Variants in TNIP1 observed in about 807,000 individuals in gnomAD.
TNIP1 encodes the protein TNFAIP3-interacting protein 1.
Under a neutral mutation model 86.6 loss-of-function variants are expected in TNIP1, and 22 were observed. The observed-to-expected ratio is 0.25, with a 90% CI of 0.18 to 0.36. TNIP1 has a LOEUF of 0.36. Ranked by LOEUF, TNIP1 falls within the 10% of genes least tolerant of loss-of-function variation. The probability of loss-of-function intolerance (pLI) is 1.00; values close to 1 mark genes in which losing one functional copy is unlikely to be tolerated. For synonymous variants in TNIP1, 294 were observed against 313.0 expected, an observed-to-expected ratio of 0.94 and a Z score of 0.64; for missense variants, 709 against 820.6, an observed-to-expected ratio of 0.86 and a Z score of 1.66.
chr5:151,062,030 C>T (rs373701500), intron 4 of TNIP1, 97 bp downstream of exon 4: 13 of 1,153,302 alleles, frequency 1.1e-5, no homozygotes, highest in East Asian at 1.0e-4. Flanking sequence ...AACACAGTTT[C>T]TTGACCTCAA....
chr5:151,071,562 A>T (rs1762830065), intron 1 of TNIP1, among the ~76,000 whole-genome samples: 1 of 152,092 alleles, frequency 6.6e-6, no homozygotes, highest in African/African-American at 2.4e-5. Context: ...CCCAGCTCCA[A>T]TCCCTTCTAA....
chr5:151,066,804 C>T (rs992388508), intron 1 of TNIP1, among the ~76,000 whole-genome samples: 4 of 152,170 alleles, frequency 2.6e-5, no homozygotes, highest in Non-Finnish European at 5.9e-5. Context: ...CCTGCTGTGA[C>T]TCTGACCCCC....
rs998238204 is a variant in TNIP1 at position 151,033,664 on chromosome 5, G to C, written c.1723C>G (p.Pro575Ala). The change falls in exon 16 of 18, where the codon CCC becomes GCC. Residue 575 changes from proline (P) to alanine (A), a missense_variant. Coordinates refer to ENST00000521591, the MANE Select transcript of TNIP1 (RefSeq NM_006058.5). ...EDWSQIRYPP[P>A]PMAMEHPPPL... ...GGCGGGTGCTCCATGGCCATGGGGG[G>C]AGGGGGGTAGCGGATCTGGGACCAG... is the stretch of plus-strand genomic sequence containing the variant. 11 of 1,345,130 alleles carry C rather than the reference G, an allele frequency of 8.2e-6. No homozygotes were observed. The highest frequency in any genetic ancestry group is 9.7e-6 in the Non-Finnish European group (10 of 1,033,950). 83.3% of individuals were successfully genotyped at this position (1,345,130 alleles called of 1,614,324 possible).
chr5:151,087,246 C>G (rs1168482177), upstream of TNIP1: 1 of 152,636 alleles, frequency 6.6e-6, no homozygotes, highest in Non-Finnish European at 1.5e-5. Flanking sequence ...ACCAGGCAGC[C>G]CCGCAAGGCC....
At chr5:151,043,086 TGTCTCC>T in intron 9 of TNIP1, 125 bp from the exon 10 acceptor site, 2 of 942,212 alleles carry the variant, frequency 2.1e-6, no homozygotes, top group Non-Finnish European at 3.4e-6. Context: ...CTACAGACAC[TGTCTCC>T]ATCCCTCAGC....
chr5:151,044,953 C>T (rs1235882602), intron 9 of TNIP1, among the ~76,000 whole-genome samples: 1 of 152,192 alleles, frequency 6.6e-6, no homozygotes, highest in Non-Finnish European at 1.5e-5. Flanking sequence ...CTGGCCATCG[C>T]CTTAATGGAG....
chr5:151,065,350 T>C (rs1254894916), intron 1 of TNIP1, among the ~76,000 whole-genome samples: 1 of 152,178 alleles, frequency 6.6e-6, no homozygotes, highest in Non-Finnish European at 1.5e-5. Flanking sequence ...GCAGCCTCAA[T>C]GCACTGTTGG....
At chr5:151,084,609 G>A (rs1764210125), upstream of TNIP1, among the ~76,000 whole-genome samples, 1 of 152,162 alleles carries the variant, frequency 6.6e-6, no homozygotes, top group Non-Finnish European at 1.5e-5. Flanking sequence ...CCAGCACAGT[G>A]CTGTTTCCAC....
At chr5:151,085,029 C>A (rs71586196), upstream of TNIP1, among the ~76,000 whole-genome samples, 4,188 of 152,294 alleles carry the variant, frequency 0.027, 73 homozygotes, top group South Asian at 0.069. Flanking sequence ...TTCTCTCTAT[C>A]CAGCTCCCAA....
intron 6 of TNIP1, among the ~76,000 whole-genome samples, chr5:151,056,006 TGGA>T (rs1760611763): frequency 1.3e-5 from 2 of 152,220 alleles, no homozygotes; most frequent in Non-Finnish European, 2.9e-5. Context: ...TCTTCCAGCA[TGGA>T]CTAGGTTCTG....
intron 1 of TNIP1, among the ~76,000 whole-genome samples, chr5:151,070,183 A>G (rs187465822): frequency 2.0e-5 from 3 of 152,204 alleles, no homozygotes; most frequent in African/African-American, 7.2e-5. Context: ...AAATGAAACA[A>G]TATGTGTATA....
intron 15 of TNIP1, among the ~76,000 whole-genome samples, chr5:151,034,069 A>ACC (rs1332883018): frequency 5.9e-5 from 9 of 151,926 alleles, no homozygotes; most frequent in Non-Finnish European, 1.2e-4. Flanking sequence ...GAAGGCTGGT[A>ACC]CATGGGCACG....
chr5:151,052,088 A>G, intron 7 of TNIP1, 77 bp downstream of exon 7: 1 of 1,383,926 alleles, frequency 7.2e-7, no homozygotes, highest in Non-Finnish European at 1.0e-6. Flanking sequence ...TCCTCAACCC[A>G]GAAATCAGTG....
At chr5:151,061,242 G>C (rs1761527576) in intron 4 of TNIP1, among the ~76,000 whole-genome samples, 1 of 152,122 alleles carries the variant, frequency 6.6e-6, no homozygotes, top group South Asian at 2.1e-4. Flanking sequence ...GAAAGGGGCA[G>C]GATAGATGAG....
intron 17 of TNIP1, among the ~76,000 whole-genome samples, chr5:151,031,651 G>T (rs535990064): frequency 3.5e-4 from 54 of 152,214 alleles, no homozygotes; most frequent in African/African-American, 1.2e-3. Context: ...GGCCTGCACG[G>T]TCAGGACCCG....
chr5:151,056,944 AG>A lies in TNIP1; in HGVS notation c.448del (p.Leu150CysfsTer8). On this transcript the variant is annotated frameshift_variant, in exon 6 of 18. Coordinates refer to ENST00000521591, the MANE Select transcript of TNIP1 (RefSeq NM_006058.5). LOFTEE classifies it high-confidence loss of function. ...CATCAGGTTGCCGTCCTCACGGGGCAGGGGGCCCAGCGCCTGGAGAGGGAAA... is the reference window on the plus strand; with the variant it reads ...CATCAGGTTGCCGTCCTCACGGGGCAGGGGCCCAGCGCCTGGAGAGGGAAA... ...SHANAMALGPLPREDGNLMLH... is the reference protein window; with the variant it reads ...SHANAMALGPXPREDGNLMLH... 6.5e-6 allele frequency: 10 copies of A among 1,529,708 alleles called. No individual in the cohort carries two copies. The highest frequency in any genetic ancestry group is 2.5e-5 in the East Asian group (1 of 39,428). The allele number at this position is 1,529,708 out of a possible 1,614,324, so 94.8% of individuals were successfully genotyped here. A position where few individuals can be genotyped will look rare whatever the true frequency, so the allele number is the denominator to read the frequency against.
At chr5:151,063,561 T>C in intron 3 of TNIP1, 52 bp downstream of exon 3, 1 of 1,595,286 alleles carries the variant, frequency 6.3e-7, no homozygotes, top group Non-Finnish European at 8.6e-7. Context: ...GTGAAGGATT[T>C]GGGCAGTTTG....
At chr5:151,067,605 G>A (rs1421863434) in intron 1 of TNIP1, among the ~76,000 whole-genome samples, 1 of 152,200 alleles carries the variant, frequency 6.6e-6, no homozygotes, top group Non-Finnish European at 1.5e-5. Context: ...CCACATGAAG[G>A]CATGGGGAAT....
chr5:151,045,743 GC>G (rs1759071950), intron 9 of TNIP1, 117 bp downstream of exon 9: 1 of 975,772 alleles, frequency 1.0e-6, no homozygotes, highest in Non-Finnish European at 1.6e-6. Flanking sequence ...TGGTCACCAT[GC>G]CAACTCCTCA....
Sources: allele counts gnomAD v4.1 joint callset (sites outside exome capture counted in the v4.1 genomes callset), GRCh38; gene constraint gnomAD v4.1.1; transcripts MANE v1.5; gene names NCBI Gene and HGNC (gene_info 2026-07-23, HGNC 2026-07-21).